The following CDH13 variants were observed in gnomAD, a reference collection of about 807,000 sequenced individuals.
CDH13 encodes the protein cadherin 13.
In CDH13, 24 loss-of-function variants were observed where a neutral mutation model predicts 63.8. That is an observed-to-expected ratio of 0.38 (90% confidence interval 0.27 to 0.53). CDH13 has a LOEUF of 0.53. Ranked by LOEUF, CDH13 falls within the 20% of genes least tolerant of loss-of-function variation. The pLI is 0.85. For missense variants in CDH13, 1,049 were observed against 903.1 expected (o/e 1.16, Z -2.07); for synonymous variants, 503 against 355.3 (o/e 1.42, Z -4.67).
intron 7 of CDH13, among the ~76,000 whole-genome samples, chr16:83,585,692 C>A (rs970904003): frequency 6.6e-6 from 1 of 151,652 alleles, no homozygotes; most frequent in African/African-American, 2.4e-5. Flanking sequence ...ATTAGAGACT[C>A]GGTGGAGATT....
At chr16:83,523,775 T>C (rs1234533654) in intron 7 of CDH13, among the ~76,000 whole-genome samples, 1 of 152,210 alleles carries the variant, frequency 6.6e-6, no homozygotes, top group African/African-American at 2.4e-5. Flanking sequence ...AAGGACAACA[T>C]TGAACATTGG....
At chr16:82,757,649 T>TTTG (rs1375482999) in intron 1 of CDH13, among the ~76,000 whole-genome samples, 1 of 98,878 alleles carries the variant, frequency 1.0e-5, no homozygotes, top group Non-Finnish European at 2.5e-5. Context: ...TTTTTTTTGT[T>TTTG]TTTTTTTTTT....
At chr16:82,845,345 C>T (rs903011110) in intron 1 of CDH13, among the ~76,000 whole-genome samples, 1 of 152,210 alleles carries the variant, frequency 6.6e-6, no homozygotes, top group African/African-American at 2.4e-5. Flanking sequence ...TCTCTGCTTT[C>T]CCTCACATTA....
intron 2 of CDH13, among the ~76,000 whole-genome samples, chr16:83,022,843 C>G (rs1915470123): frequency 6.6e-6 from 1 of 152,228 alleles, no homozygotes; most frequent in Non-Finnish European, 1.5e-5. Flanking sequence ...GTATAAATCA[C>G]AGATTGGCCC....
At chr16:83,305,559 G>A (rs928686605) in intron 5 of CDH13, among the ~76,000 whole-genome samples, 59 of 152,280 alleles carry the variant, frequency 3.9e-4, no homozygotes, top group African/African-American at 1.3e-3. Flanking sequence ...TCTAGAAGTT[G>A]CAATTATATC....
intron 1 of CDH13, among the ~76,000 whole-genome samples, chr16:82,853,723 C>G (rs986103494): frequency 5.9e-5 from 9 of 152,276 alleles, no homozygotes; most frequent in Admixed American, 2.0e-4. Context: ...TATTGCTGTG[C>G]TTTCAAAGGT....
At chr16:82,640,146 G>T (rs1488211074) in intron 1 of CDH13, among the ~76,000 whole-genome samples, 3 of 152,186 alleles carry the variant, frequency 2.0e-5, no homozygotes, top group African/African-American at 4.8e-5. Flanking sequence ...ATAGAAAAAC[G>T]TTCAAATGGG....
chr16:82,891,063 T>G (rs1262248459), intron 2 of CDH13, among the ~76,000 whole-genome samples: 1 of 151,400 alleles, frequency 6.6e-6, no homozygotes, highest in African/African-American at 2.4e-5. Flanking sequence ...TTAAGTTTTG[T>G]TGTTGGTCGT....
chr16:83,278,887 C>G (rs1002877144), intron 5 of CDH13, among the ~76,000 whole-genome samples: 2 of 152,150 alleles, frequency 1.3e-5, no homozygotes, highest in African/African-American at 4.8e-5. Flanking sequence ...GGATGTTGAA[C>G]CTTAGTCTCA....
intron 7 of CDH13, among the ~76,000 whole-genome samples, chr16:83,585,014 GC>G (rs1567785117): frequency 6.6e-6 from 1 of 152,098 alleles, no homozygotes; most frequent in Non-Finnish European, 1.5e-5. Context: ...CTCCCACCAG[GC>G]CCCACCTCCA....
At chr16:83,380,552 A>G (rs1369055877) in intron 6 of CDH13, among the ~76,000 whole-genome samples, 2 of 152,232 alleles carry the variant, frequency 1.3e-5, no homozygotes, top group African/African-American at 4.8e-5. Context: ...TCTTTTTATC[A>G]CATAAAAGAC....
In CDH13 at chr16:83,595,456, T is replaced by C. The variant is rs1030452442; in HGVS notation, c.961-6998T>C. Among the ~76,000 whole-genome samples, 78 of 152,246 alleles carry C rather than the reference T, an allele frequency of 5.1e-4. 1 individual carries two copies. Among genetic ancestry groups the C allele is most frequent in the African/African-American group, 1.8e-3 (76 of 41,552 alleles). On this transcript the variant is annotated intron_variant, in intron 7 of 13. Transcript: ENST00000567109. ...GGAGATAGTAAATGGGCATTCAAAA[T>C]AAAGCAAAATGGGACACATAGCCTT...
intron 7 of CDH13, among the ~76,000 whole-genome samples, chr16:83,494,798 T>G (rs770759766): frequency 2.6e-5 from 4 of 152,208 alleles, no homozygotes; most frequent in Non-Finnish European, 4.4e-5. Context: ...ACTTTTGTTT[T>G]AAGAGGTATC....
At chr16:83,337,501 TA>T in intron 5 of CDH13, among the ~76,000 whole-genome samples, 1 of 152,286 alleles carries the variant, frequency 6.6e-6, no homozygotes, top group African/African-American at 2.4e-5. Context: ...GGCGGTATCT[TA>T]GTGTCTCCAC....
intron 7 of CDH13, among the ~76,000 whole-genome samples, chr16:83,502,193 T>G (rs532805337): frequency 4.6e-5 from 7 of 152,166 alleles, no homozygotes; most frequent in Non-Finnish European, 8.8e-5. Flanking sequence ...GTAGAAGTGA[T>G]TAAGTCAAAT....
chr16:83,117,399 A>G (rs111497598), intron 3 of CDH13, among the ~76,000 whole-genome samples: 6,716 of 111,110 alleles, frequency 0.06, 302 homozygotes, highest in African/African-American at 0.14. Context: ...TCCATCTTCC[A>G]CTGCCATCTC....
In CDH13 at chr16:83,795,911, C is replaced by T. The variant is rs770459508; in HGVS notation, c.*881C>T. ...CTCTCCCTCCTCAGTAAATGTACAA[C>T]TGCACCTGTCATCATGGAGGTCATA... On this transcript the variant is annotated 3_prime_UTR_variant, in exon 14 of 14. Coordinates refer to ENST00000567109, the MANE Select transcript of CDH13 (RefSeq NM_001257.5). 7.2e-5 allele frequency: 11 copies of T among 152,650 alleles called. No individual in the cohort carries two copies. The highest frequency in any genetic ancestry group is 1.3e-4 in the Non-Finnish European group (9 of 68,054). 9.5% of individuals were successfully genotyped at this position (152,650 alleles called of 1,614,324 possible).
At chr16:82,851,861 A>G (rs185908968) in intron 1 of CDH13, among the ~76,000 whole-genome samples, 4 of 152,320 alleles carry the variant, frequency 2.6e-5, no homozygotes, top group African/African-American at 7.2e-5. Flanking sequence ...AGTCAGAGGC[A>G]GTATCCTTTC....
chr16:82,864,510 C>G (rs550421334), intron 2 of CDH13, among the ~76,000 whole-genome samples: 1 of 152,058 alleles, frequency 6.6e-6, no homozygotes, highest in Non-Finnish European at 1.5e-5. Flanking sequence ...AGGAGAAGTG[C>G]TGAGATAAGG....
Sources: allele counts gnomAD v4.1 joint callset (sites outside exome capture counted in the v4.1 genomes callset), GRCh38; gene constraint gnomAD v4.1.1; transcripts MANE v1.5; gene names NCBI Gene and HGNC (gene_info 2026-07-23, HGNC 2026-07-21).